PDS5B: variants seen among roughly 807,000 people sequenced by gnomAD.
PDS5B encodes sister chromatid cohesion protein PDS5 homolog B.
In PDS5B, 51 loss-of-function variants were observed where a neutral mutation model predicts 184.1. The ratio of observed to expected loss-of-function variants is 0.28; its 90% CI spans 0.22 to 0.35. The LOEUF (loss-of-function observed/expected upper bound fraction) is 0.35. Ranked by LOEUF, PDS5B falls within the 10% of genes least tolerant of loss-of-function variation. The pLI, the probability that PDS5B is intolerant of heterozygous loss-of-function variation, is 1.00. For missense variants in PDS5B, 1,180 were observed against 1,723.3 expected, an observed-to-expected ratio of 0.68 and a Z score of 5.58; for synonymous variants, 566 against 569.2, an observed-to-expected ratio of 0.99 and a Z score of 0.08.
intron 1 of PDS5B, among the ~76,000 whole-genome samples, chr13:32,605,411 G>T (rs1316243286): frequency 6.6e-6 from 1 of 152,150 alleles, no homozygotes; most frequent in Middle Eastern, 3.2e-3. Flanking sequence ...CTGAGTTCCA[G>T]CTTGATTGCA....
intron 31 of PDS5B, among the ~76,000 whole-genome samples, chr13:32,769,847 T>C (rs1043354004): frequency 6.6e-6 from 1 of 152,190 alleles, no homozygotes; most frequent in Non-Finnish European, 1.5e-5. Context: ...CACTAAAATT[T>C]ATAATTTAGT....
chr13:32,662,284 T>C (rs1313948989), intron 6 of PDS5B, among the ~76,000 whole-genome samples: 1 of 152,112 alleles, frequency 6.6e-6, no homozygotes, highest in Non-Finnish European at 1.5e-5. Context: ...GCACACAGGC[T>C]CAAAATATAT....
chr13:32,738,358 T>C (rs951677290), intron 21 of PDS5B, among the ~76,000 whole-genome samples: 3 of 152,246 alleles, frequency 2.0e-5, no homozygotes, highest in Admixed American at 6.5e-5. Context: ...AATGTTATTA[T>C]ACACTGTTGG....
intron 22 of PDS5B, 130 bp downstream of exon 22, chr13:32,741,278 C>A: frequency 3.6e-6 from 2 of 549,202 alleles, no homozygotes; most frequent in South Asian, 5.6e-5. Context: ...TGTATGATGT[C>A]TTATGTGCTG....
At chr13:32,647,439 T>G (rs1042043800) in intron 1 of PDS5B, among the ~76,000 whole-genome samples, 1 of 151,916 alleles carries the variant, frequency 6.6e-6, no homozygotes, top group African/African-American at 2.4e-5. Context: ...CCTGGCTGAT[T>G]TTTGTATTTT....
intron 1 of PDS5B, among the ~76,000 whole-genome samples, chr13:32,588,057 A>T (rs1197325494): frequency 1.3e-5 from 2 of 152,216 alleles, no homozygotes; most frequent in Non-Finnish European, 2.9e-5. Context: ...TTTTTATATT[A>T]ACTCATGTAG....
intron 1 of PDS5B, among the ~76,000 whole-genome samples, chr13:32,601,440 G>C (rs1477437576): frequency 6.6e-6 from 1 of 152,180 alleles, no homozygotes; most frequent in African/African-American, 2.4e-5. Context: ...TTGATGGAAA[G>C]CTAAGAGCTA....
chr13:32,660,688 T>C (rs1235937587), intron 6 of PDS5B, among the ~76,000 whole-genome samples: 3 of 152,142 alleles, frequency 2.0e-5, no homozygotes, highest in African/African-American at 7.2e-5. Context: ...GGAGAAGACT[T>C]TGTTGGGGAA....
intron 23 of PDS5B, among the ~76,000 whole-genome samples, chr13:32,743,117 T>C (rs1042971755): frequency 5.9e-5 from 9 of 152,066 alleles, no homozygotes; most frequent in Non-Finnish European, 2.9e-5. Flanking sequence ...TTTAAAGATG[T>C]ACCTGAAGTA....
chr13:32,756,319 A>G (rs1392191214), intron 26 of PDS5B, among the ~76,000 whole-genome samples: 1 of 152,176 alleles, frequency 6.6e-6, no homozygotes, highest in Non-Finnish European at 1.5e-5. Context: ...TTACTCATGT[A>G]GTAAGCACAT....
intron 26 of PDS5B, 79 bp from the exon 27 acceptor site, chr13:32,758,008 A>G (rs1593621102): frequency 4.0e-6 from 2 of 501,058 alleles, no homozygotes; most frequent in Admixed American, 4.9e-5. Flanking sequence ...TGTTATATTT[A>G]TATTTAGAAT....
intron 1 of PDS5B, among the ~76,000 whole-genome samples, chr13:32,606,029 A>G (rs2058055338): frequency 6.6e-6 from 1 of 152,034 alleles, no homozygotes; most frequent in Admixed American, 6.6e-5. Flanking sequence ...CCAATTTGCC[A>G]GTCTGTGTCT....
At chr13:32,705,965 G>A (rs770132107) in intron 17 of PDS5B, among the ~76,000 whole-genome samples, 5 of 151,986 alleles carry the variant, frequency 3.3e-5, no homozygotes, top group Non-Finnish European at 5.9e-5. Flanking sequence ...CTGTGCCTGG[G>A]TACAGATGTT....
intron 9 of PDS5B, among the ~76,000 whole-genome samples, chr13:32,678,070 A>G (rs571220149): frequency 1.3e-5 from 2 of 152,260 alleles, no homozygotes; most frequent in East Asian, 3.9e-4. Context: ...ACCAGTTTAC[A>G]GGATTTAGAA....
At chr13:32,641,373 C>T (rs548756792) in intron 1 of PDS5B, among the ~76,000 whole-genome samples, 3 of 152,014 alleles carry the variant, frequency 2.0e-5, no homozygotes, top group African/African-American at 7.2e-5. Flanking sequence ...TTTCTTATCT[C>T]GTAATTTGGT....
chr13:32,707,623 C>T (rs561086933), intron 18 of PDS5B, among the ~76,000 whole-genome samples: 3 of 138,354 alleles, frequency 2.2e-5, no homozygotes, highest in African/African-American at 8.7e-5. Flanking sequence ...TTAAGAGTGT[C>T]TAAAGCAGAT....
chr13:32,775,408 A>C lies in PDS5B; in HGVS notation c.*356A>C. 3.2e-6 allele frequency: 1 copy of C among 316,810 alleles called. No individual in the cohort carries two copies. The highest frequency in any genetic ancestry group is 3.0e-5 in the South Asian group (1 of 33,150). 19.6% of individuals were successfully genotyped at this position (316,810 alleles called of 1,614,324 possible). A position where few individuals can be genotyped will look rare whatever the true frequency, so the allele number is the denominator to read the frequency against. ...CAGTACCCGACTGTTTATTGGATCTATTGATTTGAAAAGAATTTGTTAGGA... is the reference window on the plus strand; with the variant it reads ...CAGTACCCGACTGTTTATTGGATCTCTTGATTTGAAAAGAATTTGTTAGGA... On this transcript the variant is annotated 3_prime_UTR_variant, in exon 35 of 35. Transcript: ENST00000315596.
At chr13:32,720,861 C>A (rs1456330537) in intron 19 of PDS5B, among the ~76,000 whole-genome samples, 2 of 151,986 alleles carry the variant, frequency 1.3e-5, no homozygotes, top group African/African-American at 2.4e-5. Flanking sequence ...GAGCATGCTG[C>A]CTTCAAGCAT....
At chr13:32,588,924 C>G (rs2057731950) in intron 1 of PDS5B, among the ~76,000 whole-genome samples, 1 of 152,128 alleles carries the variant, frequency 6.6e-6, no homozygotes, top group African/African-American at 2.4e-5. Context: ...AGAAAATACC[C>G]AAAACTTTGT....
Sources: gnomAD v4.1 joint callset for allele counts (sites outside exome capture counted in the v4.1 genomes callset) on GRCh38, gnomAD v4.1.1 for gene constraint, MANE v1.5 for transcripts, NCBI Gene and HGNC (gene_info 2026-07-23, HGNC 2026-07-21) for gene names.